The following SYNJ1 variants were observed in gnomAD, a reference collection of about 807,000 sequenced individuals.
SYNJ1 encodes polyphosphatidylinositol phosphatase SYNJ1.
In SYNJ1, 78 loss-of-function variants were observed where a neutral mutation model predicts 168.2. That is an observed-to-expected ratio of 0.46 (90% CI 0.39 to 0.56). The LOEUF is 0.56. Among genes scored for constraint, SYNJ1 ranks in the 20% least tolerant of loss-of-function variants. The pLI, the probability that SYNJ1 is intolerant of heterozygous loss-of-function variation, is 0.00. For missense variants in SYNJ1, 1,303 were observed against 1,597.6 expected, an observed-to-expected ratio of 0.82 and a Z score of 3.14; for synonymous variants, 539 against 548.6, an observed-to-expected ratio of 0.98 and a Z score of 0.24.
At chr21:32,689,132 T>C (rs2041934018) in intron 6 of SYNJ1, among the ~76,000 whole-genome samples, 1 of 152,210 alleles carries the variant, frequency 6.6e-6, no homozygotes. Flanking sequence ...GAGAAAGATA[T>C]AACATGCCAA....
intron 15 of SYNJ1, among the ~76,000 whole-genome samples, chr21:32,668,612 C>CT (rs1321412460): frequency 3.3e-5 from 5 of 152,162 alleles, no homozygotes; most frequent in Non-Finnish European, 4.4e-5. Context: ...AGATTGATGA[C>CT]TATTTCAGCC....
At chr21:32,719,460 T>A (rs968414653) in intron 2 of SYNJ1, among the ~76,000 whole-genome samples, 24 of 152,184 alleles carry the variant, frequency 1.6e-4, no homozygotes, top group Admixed American at 1.1e-3. Context: ...ACGCCCGTAA[T>A]CCCAGCACTT....
chr21:32,686,873 AAGT>A, intron 8 of SYNJ1, 102 bp downstream of exon 8: 1 of 778,970 alleles, frequency 1.3e-6, no homozygotes, highest in Non-Finnish European at 2.0e-6. Flanking sequence ...TTTTTCTTGG[AAGT>A]AATTTACTTC....
chr21:32,678,818 G>A lies in SYNJ1; in HGVS notation c.1354-17C>T. 1.3e-6 allele frequency: 2 copies of A among 1,598,540 alleles called. No individual in the cohort carries two copies. The highest frequency in any genetic ancestry group is 2.7e-5 in the African/African-American group (2 of 73,918). ...ATCTTTTAACTTTCCAGCCTGTTAA[G>A]AAAGGAGCGCAGATTTTCATTTTAA... On this transcript the variant is annotated splice_polypyrimidine_tract_variant and intron_variant, in intron 11 of 32. Coordinates refer to ENST00000674351, the MANE Select transcript of SYNJ1 (RefSeq NM_203446.3).
intron 18 of SYNJ1, among the ~76,000 whole-genome samples, chr21:32,659,536 CTA>C (rs1390364229): frequency 2.6e-5 from 4 of 152,136 alleles, no homozygotes; most frequent in African/African-American, 9.7e-5. Context: ...TTTGTGTTAC[CTA>C]TAGATTTCAG....
chr21:32,659,815 C>T (rs1601320870), intron 18 of SYNJ1, among the ~76,000 whole-genome samples: 1 of 152,174 alleles, frequency 6.6e-6, no homozygotes, highest in South Asian at 2.1e-4. Flanking sequence ...GTCTGAGGCT[C>T]GTCCTGCTAC....
intron 21 of SYNJ1, 137 bp downstream of exon 21, chr21:32,656,550 A>G: frequency 1.5e-6 from 1 of 683,818 alleles, no homozygotes; most frequent in Non-Finnish European, 2.4e-6. Flanking sequence ...TTGGAAATAA[A>G]AATACTCATA....
At chr21:32,725,143 G>C (rs2043399912) in intron 2 of SYNJ1, among the ~76,000 whole-genome samples, 1 of 152,118 alleles carries the variant, frequency 6.6e-6, no homozygotes, top group South Asian at 2.1e-4. Context: ...ACAGTTTGTA[G>C]CTGAACATTT....
At chr21:32,676,190 C>T in intron 13 of SYNJ1, 142 bp downstream of exon 13, 1 of 520,210 alleles carries the variant, frequency 1.9e-6, no homozygotes, top group Non-Finnish European at 3.2e-6. Flanking sequence ...CAGATTAAAA[C>T]AAGATATCAA....
At chr21:32,643,168 CAG>C (rs1241676383) in intron 27 of SYNJ1, among the ~76,000 whole-genome samples, 1 of 151,832 alleles carries the variant, frequency 6.6e-6, no homozygotes. Flanking sequence ...ATATATGAAA[CAG>C]AGTACAAACA....
chr21:32,659,348 C>G (rs1002162079), intron 18 of SYNJ1, among the ~76,000 whole-genome samples: 1 of 152,026 alleles, frequency 6.6e-6, no homozygotes, highest in Non-Finnish European at 1.5e-5. Flanking sequence ...TGGGTTTTCT[C>G]TTTCCTATTT....
intron 2 of SYNJ1, among the ~76,000 whole-genome samples, chr21:32,703,368 T>G (rs1040857654): frequency 6.6e-6 from 1 of 152,232 alleles, no homozygotes; most frequent in Non-Finnish European, 1.5e-5. Context: ...CATCTTATGT[T>G]TATCCAACAG....
intron 27 of SYNJ1, 66 bp downstream of exon 27, chr21:32,643,344 A>T: frequency 6.5e-7 from 1 of 1,527,362 alleles, no homozygotes. Context: ...CGGGGTGGGG[A>T]GGTGGGGCGC....
chr21:32,687,149 T>C, intron 7 of SYNJ1, 75 bp from the exon 8 acceptor site: 1 of 735,654 alleles, frequency 1.4e-6, no homozygotes, highest in East Asian at 3.3e-5. Flanking sequence ...TAATCCATTA[T>C]TAAATATAAC....
At position 32,678,786 on chromosome 21, in the gene SYNJ1, G is replaced by A. The variant is rs2041512386; in HGVS notation, c.1369C>T (p.Arg457Cys). 3.7e-6 allele frequency: 6 copies of A among 1,609,806 alleles called. No homozygotes were observed. The highest frequency in any genetic ancestry group is 5.1e-6 in the Non-Finnish European group (6 of 1,178,930). Reference sequence around the variant, plus strand: ...TTCTGAATTGTTCGGGTAACAGAGCGAGCACCATCTTTTAACTTTCCAGCC... The same window carrying A: ...TTCTGAATTGTTCGGGTAACAGAGCAAGCACCATCTTTTAACTTTCCAGCC... ...EGKAKLKDGA[R>C]SVTRTIQNNF... The change falls in exon 12 of 33, where the codon CGC (arginine) becomes TGC (cysteine). Residue 457 changes from arginine (R) to cysteine (C), a missense_variant. Transcript: ENST00000674351.
rs1361856964 is a variant in SYNJ1, at chr21:32,673,615, G to A, written c.1535-84C>T. On this transcript the variant is annotated intron_variant, in intron 13 of 32. Coordinates refer to ENST00000674351, the MANE Select transcript of SYNJ1 (RefSeq NM_203446.3). ...TTTTCATAACTGAGATACGATGTCC[G>A]CTGGAAAGCACAATTATTATCACAA... The A allele has an allele frequency of 7.6e-6, 9 of 1,179,452 alleles. No individual in the cohort carries two copies. The South Asian group carries it at 9.5e-5, about 12-fold the overall frequency. The allele number at this position is 1,179,452 out of a possible 1,614,324, so 73.1% of individuals were successfully genotyped here.
At chr21:32,700,392 C>T (rs762658634) in intron 3 of SYNJ1, among the ~76,000 whole-genome samples, 21 of 152,144 alleles carry the variant, frequency 1.4e-4, no homozygotes, top group Non-Finnish European at 2.1e-4. Context: ...CGGTGGCTCA[C>T]GCCTGTAATC....
intron 2 of SYNJ1, among the ~76,000 whole-genome samples, chr21:32,720,907 G>A (rs1006977257): frequency 6.6e-6 from 1 of 152,206 alleles, no homozygotes; most frequent in African/African-American, 2.4e-5. Context: ...TGAAGCCTGA[G>A]ATGGGCTGTA....
intron 19 of SYNJ1, 28 bp downstream of exon 19, chr21:32,657,688 A>C: frequency 6.4e-7 from 1 of 1,567,256 alleles, no homozygotes; most frequent in Non-Finnish European, 8.6e-7. Context: ...ACATTAGTTC[A>C]TTTAAATAAA....
Sources: gnomAD v4.1 joint callset for allele counts (sites outside exome capture counted in the v4.1 genomes callset) on GRCh38, gnomAD v4.1.1 for gene constraint, MANE v1.5 for transcripts, NCBI Gene and HGNC (gene_info 2026-07-23, HGNC 2026-07-21) for gene names.